ABCC12: variants seen among roughly 807,000 people sequenced by gnomAD.
The protein encoded by ABCC12 is ATP binding cassette subfamily C member 12, also known as ATP-binding cassette sub-family C member 12.
In ABCC12, 142 loss-of-function variants were observed where a neutral mutation model predicts 151.1. That is an observed-to-expected ratio of 0.94 (90% CI 0.82 to 1.08). ABCC12 has a LOEUF of 1.08. ABCC12 is among the 50% of genes least tolerant of loss of function. The pLI, the probability that ABCC12 is intolerant of heterozygous loss-of-function variation, is 0.00. For synonymous variants in ABCC12, 645 were observed against 646.4 expected (o/e 1.00, Z 0.03); for missense variants, 1,638 against 1,691.1 (o/e 0.97, Z 0.55).
intron 23 of ABCC12, 77 bp from the exon 24 acceptor site, chr16:48,096,979 A>G: frequency 6.3e-7 from 1 of 1,582,494 alleles, no homozygotes; most frequent in Admixed American, 1.7e-5. Flanking sequence ...GTTGTGCTGT[A>G]GACTTAAGGT....
At chr16:48,113,025 C>T (rs1230759110) in intron 15 of ABCC12, among the ~76,000 whole-genome samples, 1 of 152,112 alleles carries the variant, frequency 6.6e-6, no homozygotes, top group East Asian at 1.9e-4. Context: ...AAGCTCCCTC[C>T]TAGAGGTGGG....
Position 48,121,723 on chromosome 16 carries a change from G to T in ABCC12, c.1705C>A (p.His569Asn). Residue 569 changes from histidine (H) to asparagine (N), a missense_variant, in exon 13 of 31, where the codon CAC becomes AAC. By Grantham distance (68) the His-to-Asn change is moderately conservative. Coordinates refer to ENST00000311303, the MANE Select transcript of ABCC12 (RefSeq NM_001393797.1). ...TTTAAAAGTTAATATTACCTTTGGT[G>T]ATCATACTTTTCTCCAAAGAGTATG... ...ENILFGEKYD[H>N]QRYQHTVRVC... 6.2e-7 allele frequency: 1 copy of T among 1,614,124 alleles called. No homozygotes were observed. The highest frequency in any genetic ancestry group is 1.1e-5 in the South Asian group (1 of 91,072).
intron 8 of ABCC12, among the ~76,000 whole-genome samples, chr16:48,136,102 G>A (rs1188724528): frequency 6.6e-6 from 1 of 152,204 alleles, no homozygotes; most frequent in Non-Finnish European, 1.5e-5. Flanking sequence ...AGGTTTGCTT[G>A]CGCAGGTTTG....
At chr16:48,139,421 G>T in intron 6 of ABCC12, 85 bp from the exon 7 acceptor site, 2 of 1,413,538 alleles carry the variant, frequency 1.4e-6, no homozygotes, top group Non-Finnish European at 1.9e-6. Context: ...TGGCCGAGGG[G>T]ATCTAGGGAG....
intron 24 of ABCC12, among the ~76,000 whole-genome samples, chr16:48,096,235 C>T (rs1963090385): frequency 6.6e-6 from 1 of 152,228 alleles, no homozygotes; most frequent in Non-Finnish European, 1.5e-5. Context: ...ATTCATTTCA[C>T]TCCCTCCACT....
At chr16:48,097,551 G>A (rs977531568) in intron 23 of ABCC12, among the ~76,000 whole-genome samples, 13 of 152,216 alleles carry the variant, frequency 8.5e-5, no homozygotes, top group African/African-American at 2.9e-4. Context: ...GGGGGAAGAA[G>A]CACAGAGCGG....
intron 22 of ABCC12, among the ~76,000 whole-genome samples, chr16:48,103,263 G>C (rs1227584252): frequency 6.6e-6 from 1 of 151,858 alleles, no homozygotes; most frequent in Non-Finnish European, 1.5e-5. Context: ...CAAGTTCAGG[G>C]TTTGTGGGCT....
chr16:48,088,784 C>T (rs374555032), intron 25 of ABCC12, 50 bp from the exon 26 acceptor site: 96 of 1,466,812 alleles, frequency 6.5e-5, no homozygotes, highest in Non-Finnish European at 8.4e-5. Flanking sequence ...TGTTTTTTCA[C>T]TTATTTAACT....
intron 1 of ABCC12, among the ~76,000 whole-genome samples, chr16:48,154,795 T>C (rs777266642): frequency 6.6e-6 from 1 of 152,274 alleles, no homozygotes; most frequent in Non-Finnish European, 1.5e-5. Context: ...GTGCTCATGA[T>C]GGGAGTTCCT....
At chr16:48,150,563 A>G (rs967027985) in intron 2 of ABCC12, among the ~76,000 whole-genome samples, 1 of 152,150 alleles carries the variant, frequency 6.6e-6, no homozygotes, top group Non-Finnish European at 1.5e-5. Context: ...ACACAAATTC[A>G]TGTGCTTGCA....
Position 48,139,290 on chromosome 16 carries a change from G to A in ABCC12, c.704C>T (p.Ala235Val). Residue 235 changes from alanine (A) to valine (V), a missense_variant, in exon 7 of 31, where the codon GCC becomes GTC. Coordinates refer to ENST00000311303, the MANE Select transcript of ABCC12 (RefSeq NM_001393797.1). ...SSDSYSLFEA[A>V]LFCPLPATIP... ...GGTGGCTGGCAAAGGACAAAACAAG[G>A]CAGCTTCAAACAAAGAATAGCTATC... 1.2e-6 allele frequency: 2 copies of A among 1,613,908 alleles called. No individual in the cohort carries two copies. Among genetic ancestry groups the A allele is most frequent in the South Asian group, 1.1e-5 (1 of 91,026 alleles).
At chr16:48,089,201 C>A (rs760370685) in intron 25 of ABCC12, among the ~76,000 whole-genome samples, 2 of 152,078 alleles carry the variant, frequency 1.3e-5, no homozygotes, top group African/African-American at 4.8e-5. Flanking sequence ...TGGAGCTTAG[C>A]GAATAGAGGG....
intron 24 of ABCC12, among the ~76,000 whole-genome samples, chr16:48,096,174 G>A (rs2150593241): frequency 6.6e-6 from 1 of 152,292 alleles, no homozygotes; most frequent in South Asian, 2.1e-4. Context: ...AAGCAACCAA[G>A]AAGAGAAGTC....
chr16:48,146,687 T>G, intron 2 of ABCC12: 2 of 357,118 alleles, frequency 5.6e-6, no homozygotes, highest in Non-Finnish European at 5.1e-6. Context: ...GACCATTTAA[T>G]TCCTCTTTTC....
At chr16:48,118,008 C>T (rs1963945960) in intron 13 of ABCC12, among the ~76,000 whole-genome samples, 1 of 152,186 alleles carries the variant, frequency 6.6e-6, no homozygotes, top group South Asian at 2.1e-4. Flanking sequence ...TGTGCCCCCT[C>T]AGCGTCACGC....
chr16:48,109,482 G>T (rs1010986739), intron 18 of ABCC12, among the ~76,000 whole-genome samples: 1 of 152,190 alleles, frequency 6.6e-6, no homozygotes, highest in African/African-American at 2.4e-5. Context: ...CTCCAAAGCA[G>T]AATTATACAC....
intron 21 of ABCC12, 123 bp from the exon 22 acceptor site, chr16:48,104,491 G>T: frequency 1.2e-6 from 1 of 812,192 alleles, no homozygotes; most frequent in South Asian, 1.7e-5. Flanking sequence ...AACACAGTGT[G>T]TCAGGTGATC....
Position 48,117,282 on chromosome 16 carries a change from G to C in ABCC12, c.1764C>G (p.Leu588=), listed in dbSNP as rs892903470. The change falls in exon 14 of 31, where the codon CTC becomes CTG. Residue 588 remains leucine, a synonymous_variant. Transcript: ENST00000311303. The stretch of plus-strand genomic sequence containing the variant: ...TCACCTCAGTCAGGTCTCCATAGGG[G>C]AGGTTGCTCAGGTCCTTCTGGAGGC... ...VCGLQKDLSN[L]PYGDLTEIGE... is the part of the protein sequence containing the mutation. 7 of 1,613,852 alleles carry C rather than the reference G, an allele frequency of 4.3e-6. No homozygotes were observed. The highest frequency in any genetic ancestry group is 5.1e-6 in the Non-Finnish European group (6 of 1,179,910).
In ABCC12 at chr16:48,141,218, T is replaced by C. The variant is rs1182898781; in HGVS notation, c.411A>G (p.Ala137=). 5.0e-6 allele frequency: 8 copies of C among 1,613,902 alleles called. No homozygotes were observed. The highest frequency in any genetic ancestry group is 6.8e-6 in the Non-Finnish European group (8 of 1,179,934). ...IVANILCIIM[A]AIGPTVLIHQ... is the part of the protein sequence containing the mutation. ...CTGCCGCACTCACCGGCCCTATGGC[T>C]GCCATGATGATGCACAGGATGTTGG... Residue 137 remains alanine, a synonymous_variant, in exon 5 of 31, where the codon GCA becomes GCG. Transcript: ENST00000311303.
Sources: gnomAD v4.1 joint callset for allele counts (sites outside exome capture counted in the v4.1 genomes callset) on GRCh38, gnomAD v4.1.1 for gene constraint, MANE v1.5 for transcripts, NCBI Gene and HGNC (gene_info 2026-07-23, HGNC 2026-07-21) for gene names.